Variants in TBC1D9 observed in about 807,000 individuals in gnomAD.
The protein encoded by TBC1D9 is TBC1 domain family member 9A.
In TBC1D9, 63 loss-of-function variants were observed where a neutral mutation model predicts 132.0. The ratio of observed to expected loss-of-function variants is 0.48; its 90% CI spans 0.39 to 0.59. The LOEUF (loss-of-function observed/expected upper bound fraction) is 0.59. Ranked by LOEUF, TBC1D9 falls within the 20% of genes least tolerant of loss-of-function variation. The pLI is 0.00. For missense variants in TBC1D9, 1,261 were observed against 1,592.7 expected (o/e 0.79, Z 3.54); for synonymous variants, 610 against 609.9 (o/e 1.00, Z 0.00).
intron 1 of TBC1D9, among the ~76,000 whole-genome samples, chr4:140,721,408 T>C (rs1426491227): frequency 6.6e-6 from 1 of 152,190 alleles, no homozygotes; most frequent in Non-Finnish European, 1.5e-5. Flanking sequence ...ATTTGATGAA[T>C]GAGGACACTG....
At chr4:140,745,070 G>GC (rs895971903) in intron 1 of TBC1D9, among the ~76,000 whole-genome samples, 4 of 151,888 alleles carry the variant, frequency 2.6e-5, no homozygotes, top group African/African-American at 9.7e-5. Context: ...TTACCTGGAA[G>GC]CCCCACCTCT....
intron 1 of TBC1D9, among the ~76,000 whole-genome samples, chr4:140,712,530 C>T (rs1738261646): frequency 1.4e-5 from 2 of 144,822 alleles, no homozygotes; most frequent in East Asian, 2.1e-4. Flanking sequence ...ATCACGAGGT[C>T]AAGAGTTCGA....
At chr4:140,733,522 A>G (rs1289538279) in intron 1 of TBC1D9, among the ~76,000 whole-genome samples, 1 of 152,212 alleles carries the variant, frequency 6.6e-6, no homozygotes, top group African/African-American at 2.4e-5. Context: ...CTACAACTTT[A>G]AACTAAACAT....
intron 13 of TBC1D9, chr4:140,645,184 G>T: frequency 1.8e-6 from 1 of 548,466 alleles, no homozygotes. Context: ...AGCTTCTCCT[G>T]ATCTCAGTCC....
chr4:140,700,771 G>C (rs1448871568), intron 2 of TBC1D9: 1 of 151,916 alleles, frequency 6.6e-6, no homozygotes, highest in African/African-American at 2.4e-5. Flanking sequence ...GGTGAGCCGG[G>C]ATCACGCCAC....
At chr4:140,684,548 G>A (rs1737751640) in intron 3 of TBC1D9, among the ~76,000 whole-genome samples, 1 of 151,960 alleles carries the variant, frequency 6.6e-6, no homozygotes, top group African/African-American at 2.4e-5. Flanking sequence ...CAAACAAAAA[G>A]GAAAATGGCT....
In TBC1D9 at chr4:140,622,902, G is replaced by C; in HGVS notation, c.3094C>G (p.Leu1032Val). 6.5e-7 allele frequency: 1 copy of C among 1,534,726 alleles called. No individual in the cohort carries two copies. Among genetic ancestry groups the C allele is most frequent in the Non-Finnish European group, 8.8e-7 (1 of 1,141,970 alleles). The change falls in exon 21 of 21, where the codon CTG becomes GTG. Residue 1032 changes from leucine to valine, a missense_variant. By Grantham distance (32) the Leu-to-Val change is conservative. Around this residue, in one of 3 missense-constraint regions of TBC1D9, gnomAD observed 618 missense variants for 724.4 expected, o/e 0.85. Transcript: ENST00000442267. ...PKLNQGQFIE[L>V]CKTMYNMFSE... The stretch of plus-strand genomic sequence containing the variant: ...AACATGTTATACATTGTCTTACACA[G>C]TTCAATGAACTGCCCCTGAAAAGCG...
In TBC1D9 at chr4:140,659,679, C is replaced by A. The variant is rs1199350183; in HGVS notation, c.1830G>T (p.Leu610=). The change falls in exon 11 of 21, where the codon CTG becomes CTT. Residue 610 remains leucine, a synonymous_variant. Transcript: ENST00000442267. The stretch of plus-strand genomic sequence containing the variant: ...CTTCCTCCTCTTTGGCATAAAGCAG[C>A]AGCACTGAAGTGACAATATTCATGG... ...CQAMNIVTSV[L]LLYAKEEEAF... The A allele has an allele frequency of 6.2e-7, 1 of 1,606,600 alleles. No individual in the cohort carries two copies. Among genetic ancestry groups the A allele is most frequent in the East Asian group, 2.2e-5 (1 of 44,754 alleles).
rs2291710 is a variant in TBC1D9 at position 140,628,274 on chromosome 4, A to T, written c.2812+26T>A. On this transcript the variant is annotated intron_variant, in intron 17 of 20. Transcript: ENST00000442267. ...AAGCCAGGTCATGGTTACAGACACA[A>T]GTACTGCTCCATGTAGCTCACTCAC... is the stretch of plus-strand genomic sequence containing the variant. 0.16 allele frequency: 254,129 copies of T among 1,611,342 alleles called. 24,133 individuals carry two copies. The highest frequency in any genetic ancestry group is 0.46 in the African/African-American group (34,258 of 74,908).
chr4:140,750,665 C>T (rs1244974927), intron 1 of TBC1D9, among the ~76,000 whole-genome samples: 2 of 151,160 alleles, frequency 1.3e-5, no homozygotes, highest in South Asian at 2.1e-4. Flanking sequence ...AGGAATATAC[C>T]ATGTTCATGG....
chr4:140,696,135 A>C (rs1286105587), intron 2 of TBC1D9, among the ~76,000 whole-genome samples: 1 of 152,192 alleles, frequency 6.6e-6, no homozygotes, highest in African/African-American at 2.4e-5. Context: ...CAACTTCTTC[A>C]GACCAACTTG....
chr4:140,744,879 TAAAA>T (rs34469042), intron 1 of TBC1D9, among the ~76,000 whole-genome samples: 2 of 107,508 alleles, frequency 1.9e-5, no homozygotes, highest in South Asian at 3.4e-4. Flanking sequence ...CAAGAGTGTT[TAAAA>T]AAAAAAAAAA....
At chr4:140,712,762 T>C (rs1331223392) in intron 1 of TBC1D9, among the ~76,000 whole-genome samples, 1 of 150,834 alleles carries the variant, frequency 6.6e-6, no homozygotes, top group East Asian at 2.0e-4. Flanking sequence ...GATAGATAGA[T>C]AGATAGATAG....
At chr4:140,738,729 G>A (rs553814600) in intron 1 of TBC1D9, among the ~76,000 whole-genome samples, 5 of 152,230 alleles carry the variant, frequency 3.3e-5, no homozygotes, top group Admixed American at 1.3e-4. Flanking sequence ...TCCTTGTCTA[G>A]TCTTCCAGTC....
At chr4:140,733,678 G>A (rs1371984580) in intron 1 of TBC1D9, among the ~76,000 whole-genome samples, 3 of 152,078 alleles carry the variant, frequency 2.0e-5, no homozygotes, top group Non-Finnish European at 4.4e-5. Context: ...CTTGAATGAA[G>A]TCTTCACAGG....
At chr4:140,725,559 T>C (rs1322252763) in intron 1 of TBC1D9, among the ~76,000 whole-genome samples, 1 of 152,076 alleles carries the variant, frequency 6.6e-6, no homozygotes, top group Non-Finnish European at 1.5e-5. Flanking sequence ...TGATATAAAG[T>C]GCATGCTTTT....
intron 13 of TBC1D9, chr4:140,642,532 T>C (rs1268510160): frequency 1.2e-5 from 14 of 1,162,564 alleles, no homozygotes; most frequent in Admixed American, 5.4e-5. Context: ...CAACTTGTCC[T>C]GCTTGGTGAG....
chr4:140,703,878 T>C (rs1037847923), intron 1 of TBC1D9, among the ~76,000 whole-genome samples: 6 of 152,360 alleles, frequency 3.9e-5, no homozygotes, highest in African/African-American at 1.2e-4. Context: ...TGCTTTACTG[T>C]GACTTGGATT....
In TBC1D9 at chr4:140,676,920, A is replaced by G. The variant is rs776802923; in HGVS notation, c.1033T>C (p.Cys345Arg). Reference sequence around the variant, plus strand: ...TCACGGAGCGGGATAATGAGGCTACATAAGTTCTCCTCCTTGCTGGTAAAA... The same window carrying G: ...TCACGGAGCGGGATAATGAGGCTACGTAAGTTCTCCTCCTTGCTGGTAAAA... ...ICFTSKEENL[C>R]SLIIPLREVT... Residue 345 changes from cysteine (C) to arginine (R), a missense_variant, in exon 6 of 21, where the codon TGT becomes CGT. Physicochemically the swap from Cys to Arg is radical, Grantham distance 180. Transcript: ENST00000442267. The G allele has an allele frequency of 6.2e-7, 1 of 1,614,012 alleles. No individual in the cohort carries two copies. Among genetic ancestry groups the G allele is most frequent in the Non-Finnish European group, 8.5e-7 (1 of 1,179,868 alleles).
Sources: gnomAD v4.1 joint callset for allele counts (sites outside exome capture counted in the v4.1 genomes callset) on GRCh38, gnomAD v4.1.1 for gene constraint, gnomAD v4.1.1 regional missense constraint, MANE v1.5 for transcripts, NCBI Gene and HGNC (gene_info 2026-07-23, HGNC 2026-07-21) for gene names.